The following SOX5 variants were observed in gnomAD, a reference collection of about 807,000 sequenced individuals.
SOX5 encodes transcription factor SOX-5.
A neutral mutation model predicts 92.0 loss-of-function variants in SOX5; 9 were observed. The ratio of observed to expected loss-of-function variants is 0.10; its 90% CI spans 0.06 to 0.17. The LOEUF (loss-of-function observed/expected upper bound fraction) is 0.17. SOX5 is among the 10% of genes least tolerant of loss of function. SOX5 has a pLI of 1.00. For synonymous variants in SOX5, 344 were observed against 336.3 expected, an observed-to-expected ratio of 1.02 and a Z score of -0.25; for missense variants, 642 against 944.5, an observed-to-expected ratio of 0.68 and a Z score of 4.20.
chr12:23,644,859 T>C (rs2080621515), intron 7 of SOX5, among the ~76,000 whole-genome samples: 1 of 152,234 alleles, frequency 6.6e-6, no homozygotes, highest in Admixed American at 6.5e-5. Context: ...AATTGACAAT[T>C]TAAATGCTTA....
At chr12:23,655,175 T>C (rs1335034615) in intron 7 of SOX5, among the ~76,000 whole-genome samples, 1 of 152,128 alleles carries the variant, frequency 6.6e-6, no homozygotes, top group African/African-American at 2.4e-5. Context: ...AATTGGAGAA[T>C]GTGATTATCA....
upstream of SOX5, among the ~76,000 whole-genome samples, chr12:23,954,165 C>G (rs4963731): frequency 2.0e-5 from 3 of 151,940 alleles, no homozygotes; most frequent in East Asian, 1.9e-4. Context: ...TATTTTAATA[C>G]CTGAAATAAA....
intron 2 of SOX5, among the ~76,000 whole-genome samples, chr12:24,346,106 A>G (rs1197310468): frequency 6.6e-6 from 1 of 152,220 alleles, no homozygotes; most frequent in African/African-American, 2.4e-5. Context: ...CATTACTTCA[A>G]AGTCAAACTT....
intron 1 of SOX5, among the ~76,000 whole-genome samples, chr12:24,520,373 T>C (rs1299305483): frequency 6.6e-6 from 1 of 151,260 alleles, no homozygotes; most frequent in Non-Finnish European, 1.5e-5. Context: ...AGTATGGTGG[T>C]TTTGCATGCA....
Position 24,384,576 on chromosome 12 carries a change from C to T in SOX5, c.-250-15937G>A, listed in dbSNP as rs116997692. Among the ~76,000 whole-genome samples, 391 of 152,290 alleles carry T rather than the reference C, an allele frequency of 2.6e-3. 2 individuals are homozygous for T. Among genetic ancestry groups the T allele is most frequent in the Middle Eastern group, 0.01 (3 of 294 alleles). Reference sequence around the variant, plus strand: ...AAAAAATCTTATGCAGAGGCTGCTACGGTCCACGGTAAGAACTAATTTATC... The same window carrying T: ...AAAAAATCTTATGCAGAGGCTGCTATGGTCCACGGTAAGAACTAATTTATC... On this transcript the variant is annotated intron_variant, in intron 1 of 4. Coordinates refer to the SOX5 transcript ENST00000446891.
intron 3 of SOX5, chr12:24,223,286 C>G (rs1960958966): frequency 6.6e-6 from 1 of 152,160 alleles, no homozygotes; most frequent in Admixed American, 6.5e-5. Context: ...TTCTGAACAG[C>G]AATGCTCATC....
chr12:24,487,850 T>C (rs949507350), intron 1 of SOX5, among the ~76,000 whole-genome samples: 2 of 152,088 alleles, frequency 1.3e-5, no homozygotes, highest in Non-Finnish European at 2.9e-5. Context: ...GTGTCCTCTT[T>C]TTTTTTTCCC....
At chr12:23,678,903 A>T in intron 6 of SOX5, among the ~76,000 whole-genome samples, 1 of 152,278 alleles carries the variant, frequency 6.6e-6, no homozygotes, top group East Asian at 1.9e-4. Flanking sequence ...AATTATAATT[A>T]TAAATTAATC....
intron 2 of SOX5, among the ~76,000 whole-genome samples, chr12:24,304,734 C>G (rs151259412): frequency 1.5e-4 from 23 of 152,290 alleles, no homozygotes; most frequent in Non-Finnish European, 2.6e-4. Flanking sequence ...CATCATTAAA[C>G]CTGTCCTCCT....
intron 2 of SOX5, among the ~76,000 whole-genome samples, chr12:23,872,001 T>A (rs974416788): frequency 6.7e-6 from 1 of 150,258 alleles, no homozygotes; most frequent in African/African-American, 2.4e-5. Flanking sequence ...TTCTTTTTTT[T>A]TTTTTCTTTT....
rs1010367688 is a variant in SOX5 at position 24,530,977 on chromosome 12, G to A, written c.-251+31352C>T. 2.6e-5 allele frequency among the ~76,000 whole-genome samples: 4 copies of A among 152,066 alleles called. No individual in the cohort carries two copies. The South Asian group carries it at 6.2e-4, about 24-fold the overall frequency. On this transcript the variant is annotated intron_variant, in intron 1 of 4. Coordinates refer to the SOX5 transcript ENST00000446891. The stretch of plus-strand genomic sequence containing the variant: ...TACTGAGTTTCTTACTAAATAAATC[G>A]GCAAAATTATGGCCTTTTAAAATTT...
chr12:23,875,706 C>A (rs1313855326), intron 2 of SOX5, among the ~76,000 whole-genome samples: 4 of 152,114 alleles, frequency 2.6e-5, no homozygotes, highest in Non-Finnish European at 5.9e-5. Context: ...AAGTTTGAAG[C>A]AATGCTAGGT....
At chr12:24,402,299 C>T (rs1961910659) in intron 1 of SOX5, among the ~76,000 whole-genome samples, 1 of 152,180 alleles carries the variant, frequency 6.6e-6, no homozygotes, top group Admixed American at 6.5e-5. Flanking sequence ...AAATCTACCT[C>T]TGTAAATCCA....
intron 3 of SOX5, among the ~76,000 whole-genome samples, chr12:23,821,076 T>A (rs2096105154): frequency 1.3e-5 from 2 of 152,228 alleles, no homozygotes; most frequent in African/African-American, 2.4e-5. Context: ...TTTTGCCATT[T>A]GTTTGTGTCC....
intron 4 of SOX5, among the ~76,000 whole-genome samples, chr12:24,039,166 G>A (rs113312803): frequency 4.6e-5 from 7 of 152,250 alleles, no homozygotes; most frequent in African/African-American, 1.7e-4. Context: ...TGGAAACTGT[G>A]AGTTTTCCCA....
intron 1 of SOX5, among the ~76,000 whole-genome samples, chr12:23,898,185 GA>G (rs2097196439): frequency 6.6e-6 from 1 of 152,172 alleles, no homozygotes; most frequent in Non-Finnish European, 1.5e-5. Flanking sequence ...AGGTCTTTGT[GA>G]AGTGATTTAT....
intron 1 of SOX5, among the ~76,000 whole-genome samples, chr12:24,553,787 G>T (rs893689336): frequency 6.6e-6 from 1 of 152,248 alleles, no homozygotes. Flanking sequence ...AGGAAGAGAA[G>T]AGCTTCTGGG....
At chr12:24,171,383 C>T (rs1036291036) in intron 4 of SOX5, among the ~76,000 whole-genome samples, 1 of 151,696 alleles carries the variant, frequency 6.6e-6, no homozygotes, top group African/African-American at 2.4e-5. Flanking sequence ...GCCACCGCAC[C>T]CGGCTAATTT....
chr12:23,662,439 T>C lies in SOX5; in HGVS notation c.931+3005A>G, dbSNP rs578110371. 1.7e-4 allele frequency among the ~76,000 whole-genome samples: 26 copies of C among 152,300 alleles called. 1 individual carries two copies. The South Asian group carries it at 4.8e-3, about 28-fold the overall frequency. ...AATATTCTTCAGATTATCTTTTCTATCTGTCTAGTCAATTTTCTCTGCTGT... is the reference window on the plus strand; with the variant it reads ...AATATTCTTCAGATTATCTTTTCTACCTGTCTAGTCAATTTTCTCTGCTGT... On this transcript the variant is annotated intron_variant, in intron 7 of 14. Coordinates refer to ENST00000451604, the MANE Select transcript of SOX5 (RefSeq NM_006940.6).
Sources: gnomAD v4.1 joint callset for allele counts (sites outside exome capture counted in the v4.1 genomes callset) on GRCh38, gnomAD v4.1.1 for gene constraint, MANE v1.5 for transcripts, NCBI Gene and HGNC (gene_info 2026-07-23, HGNC 2026-07-21) for gene names.